Variants in SEMA6D observed in about 807,000 individuals in gnomAD.
SEMA6D encodes the protein semaphorin-6D.
A neutral mutation model predicts 106.6 loss-of-function variants in SEMA6D; 35 were observed. The observed-to-expected ratio is 0.33, with a 90% confidence interval of 0.25 to 0.44. SEMA6D has a LOEUF of 0.44. SEMA6D is among the 20% of genes least tolerant of loss of function. The probability of loss-of-function intolerance (pLI) is 1.00; values close to 1 mark genes in which losing one functional copy is unlikely to be tolerated. For missense variants in SEMA6D, 1,185 were observed against 1,345.9 expected (o/e 0.88, Z 1.87); for synonymous variants, 499 against 487.7 (o/e 1.02, Z -0.31).
At chr15:47,394,470 A>G (rs747849072) in intron 1 of SEMA6D, among the ~76,000 whole-genome samples, 2 of 152,148 alleles carry the variant, frequency 1.3e-5, no homozygotes, top group South Asian at 4.1e-4. Context: ...GTGGCGAATT[A>G]GTTGGGGAGA....
At chr15:47,507,834 A>G (rs1447134688) in intron 3 of SEMA6D, among the ~76,000 whole-genome samples, 1 of 152,208 alleles carries the variant, frequency 6.6e-6, no homozygotes, top group South Asian at 2.1e-4. Context: ...CTATAAAGCC[A>G]TTTCGGGCCC....
chr15:47,698,678 G>A lies in SEMA6D; in HGVS notation c.-54-61067G>A, dbSNP rs1412202260. On this transcript the variant is annotated intron_variant, in intron 4 of 19. Coordinates refer to the SEMA6D transcript ENST00000558014. ...CACATATATAAAGTAGAAATACATGGCACACAGGTATCTAGTCTGTCTTGC... is the reference window on the plus strand; with the variant it reads ...CACATATATAAAGTAGAAATACATGACACACAGGTATCTAGTCTGTCTTGC... Among the ~76,000 whole-genome samples, 4 of 152,170 alleles carry A rather than the reference G, an allele frequency of 2.6e-5. No individual in the cohort carries two copies. In the South Asian group the frequency reaches 6.2e-4, roughly 24 times the overall value.
intron 4 of SEMA6D, among the ~76,000 whole-genome samples, chr15:47,601,925 T>C (rs1422344944): frequency 6.6e-6 from 1 of 152,202 alleles, no homozygotes; most frequent in East Asian, 1.9e-4. Flanking sequence ...CATTATGTAT[T>C]GTATGCTTTT....
At chr15:47,289,292 G>T (rs1392585770) in intron 1 of SEMA6D, among the ~76,000 whole-genome samples, 1 of 149,322 alleles carries the variant, frequency 6.7e-6, no homozygotes, top group African/African-American at 2.5e-5. Context: ...TACTCAGGAG[G>T]CCAAAGCAGG....
intron 2 of SEMA6D, among the ~76,000 whole-genome samples, chr15:47,429,002 G>A (rs537612049): frequency 6.6e-6 from 1 of 151,498 alleles, no homozygotes; most frequent in South Asian, 2.1e-4. Context: ...AAGGGAGGGA[G>A]GGAGGAAGGA....
At chr15:47,231,914 C>T (rs1029040603) in intron 1 of SEMA6D, among the ~76,000 whole-genome samples, 11 of 151,882 alleles carry the variant, frequency 7.2e-5, no homozygotes, top group Non-Finnish European at 1.5e-5. Flanking sequence ...GCTTTTAGTA[C>T]ATTCAAAATA....
chr15:47,545,868 C>G (rs551119459), intron 3 of SEMA6D, among the ~76,000 whole-genome samples: 2 of 152,020 alleles, frequency 1.3e-5, no homozygotes, highest in Non-Finnish European at 2.9e-5. Flanking sequence ...ATCCATCTGC[C>G]CTCCTTATCA....
chr15:47,501,600 C>A (rs893893499), intron 3 of SEMA6D, among the ~76,000 whole-genome samples: 1 of 152,156 alleles, frequency 6.6e-6, no homozygotes, highest in Middle Eastern at 3.2e-3. Flanking sequence ...GGATCAAGTT[C>A]CCCACTTCCT....
intron 3 of SEMA6D, among the ~76,000 whole-genome samples, chr15:47,541,196 C>T (rs1212705526): frequency 2.6e-5 from 4 of 152,090 alleles, no homozygotes; most frequent in Admixed American, 2.6e-4. Flanking sequence ...AAGAAATACT[C>T]AAGTGTTTGG....
chr15:47,445,225 G>T (rs1343557659), intron 2 of SEMA6D, among the ~76,000 whole-genome samples: 1 of 152,052 alleles, frequency 6.6e-6, no homozygotes, highest in Non-Finnish European at 1.5e-5. Context: ...TGGGTAAAAA[G>T]ACAACTTTTG....
intron 1 of SEMA6D, among the ~76,000 whole-genome samples, chr15:47,726,984 G>A (rs2079797361): frequency 6.6e-6 from 1 of 152,238 alleles, no homozygotes. Flanking sequence ...AGGTTCAGTG[G>A]GCTGGAGATT....
chr15:47,206,408 G>A (rs911421301), intron 1 of SEMA6D, among the ~76,000 whole-genome samples: 9 of 152,132 alleles, frequency 5.9e-5, no homozygotes, highest in African/African-American at 2.2e-4. Flanking sequence ...TACAATACCA[G>A]TTGAAGGCAG....
At chr15:47,509,198 G>A (rs980743175) in intron 3 of SEMA6D, among the ~76,000 whole-genome samples, 1 of 152,126 alleles carries the variant, frequency 6.6e-6, no homozygotes, top group African/African-American at 2.4e-5. Flanking sequence ...GAGTGAGGAA[G>A]CATTTGCTAA....
At chr15:47,412,996 G>C (rs748465833) in intron 2 of SEMA6D, among the ~76,000 whole-genome samples, 1 of 152,194 alleles carries the variant, frequency 6.6e-6, no homozygotes, top group Non-Finnish European at 1.5e-5. Context: ...GACACTTGCT[G>C]CTGTCAGAGA....
intron 1 of SEMA6D, among the ~76,000 whole-genome samples, chr15:47,385,686 T>A (rs183649965): frequency 0.012 from 1,743 of 143,730 alleles, 23 homozygotes; most frequent in African/African-American, 0.029. Flanking sequence ...GAATTTTTTT[T>A]AAAAAAAACA....
intron 1 of SEMA6D, among the ~76,000 whole-genome samples, chr15:47,294,241 T>TC (rs371717455): frequency 2.1e-4 from 31 of 148,148 alleles, no homozygotes; most frequent in African/African-American, 7.4e-4. Context: ...TCTCTCTCTC[T>TC]TTTTTTTTTC....
chr15:47,222,455 C>A (rs75904697), intron 1 of SEMA6D, among the ~76,000 whole-genome samples: 1 of 152,094 alleles, frequency 6.6e-6, no homozygotes, highest in African/African-American at 2.4e-5. Flanking sequence ...CTTCATAGCC[C>A]CTGGATAAAA....
chr15:47,236,651 G>A (rs2032563368), intron 1 of SEMA6D, among the ~76,000 whole-genome samples: 1 of 152,100 alleles, frequency 6.6e-6, no homozygotes, highest in African/African-American at 2.4e-5. Context: ...TGTTGCTAGA[G>A]GTTATCAGAA....
intron 3 of SEMA6D, among the ~76,000 whole-genome samples, chr15:47,539,889 T>C (rs2142193550): frequency 6.6e-6 from 1 of 152,294 alleles, no homozygotes; most frequent in Non-Finnish European, 1.5e-5. Context: ...GGGGAAATCA[T>C]TGATCCTGTT....
Sources: gnomAD v4.1 joint callset for allele counts (sites outside exome capture counted in the v4.1 genomes callset) on GRCh38, gnomAD v4.1.1 for gene constraint, MANE v1.5 for transcripts, NCBI Gene and HGNC (gene_info 2026-07-23, HGNC 2026-07-21) for gene names.